Variants in RAPGEF4 observed in about 807,000 individuals in gnomAD.
The protein encoded by RAPGEF4 is RAP guanine-nucleotide-exchange factor (GEF) 4.
RAPGEF4 carries 66 observed loss-of-function variants against 147.9 expected under a neutral mutation model. The ratio of observed to expected loss-of-function variants is 0.45; its 90% CI spans 0.37 to 0.55. RAPGEF4 has a LOEUF of 0.55. Among genes scored for constraint, RAPGEF4 ranks in the 20% least tolerant of loss-of-function variants. RAPGEF4 has a pLI of 0.00. For missense variants in RAPGEF4, 1,071 were observed against 1,257.3 expected, an observed-to-expected ratio of 0.85 and a Z score of 2.24; for synonymous variants, 419 against 442.7, an observed-to-expected ratio of 0.95 and a Z score of 0.67.
chr2:173,003,305 G>A (rs375973755), intron 17 of RAPGEF4, among the ~76,000 whole-genome samples: 11 of 152,314 alleles, frequency 7.2e-5, no homozygotes, highest in South Asian at 4.1e-4. Flanking sequence ...GGCAGGGAGA[G>A]GGGAAGGCAA....
At chr2:172,850,542 C>G (rs921241065) in intron 4 of RAPGEF4, among the ~76,000 whole-genome samples, 2 of 151,692 alleles carry the variant, frequency 1.3e-5, no homozygotes, top group Non-Finnish European at 1.5e-5. Flanking sequence ...GGCATGAACC[C>G]GGGAGGCGGA....
chr2:172,957,660 G>A (rs1326737672), intron 6 of RAPGEF4, among the ~76,000 whole-genome samples: 2 of 152,162 alleles, frequency 1.3e-5, no homozygotes, highest in Admixed American at 6.5e-5. Context: ...TTTAAATAAA[G>A]GGACCATCCC....
At chr2:172,843,529 T>C (rs1045570219) in intron 4 of RAPGEF4, among the ~76,000 whole-genome samples, 3 of 152,250 alleles carry the variant, frequency 2.0e-5, no homozygotes, top group Non-Finnish European at 2.9e-5. Context: ...AGTAGTCCTT[T>C]GGGATATTAC....
intron 17 of RAPGEF4, among the ~76,000 whole-genome samples, chr2:173,011,170 G>GCGCGCGCACA (rs564434178): frequency 0.017 from 2,265 of 133,488 alleles, 65 homozygotes; most frequent in African/African-American, 0.049. Context: ...GCGCGCGCGC[G>GCGCGCGCACA]CACACACACA....
intron 21 of RAPGEF4, 140 bp downstream of exon 21, chr2:173,017,644 T>A: frequency 1.4e-6 from 1 of 729,916 alleles, no homozygotes. Flanking sequence ...GAGGTGCCCT[T>A]TGGTGGCCCG....
intron 1 of RAPGEF4, among the ~76,000 whole-genome samples, chr2:172,770,728 A>G (rs6711789): frequency 0.014 from 2,174 of 152,308 alleles, 45 homozygotes; most frequent in African/African-American, 0.046. Flanking sequence ...GGATTAGGAA[A>G]TAATCTTCCC....
At chr2:173,030,381 G>A (rs1449467028) in intron 26 of RAPGEF4, 127 bp downstream of exon 26, 1 of 732,070 alleles carries the variant, frequency 1.4e-6, no homozygotes, top group Non-Finnish European at 2.3e-6. Context: ...GACACTTGGA[G>A]GGAGGTGACC....
At chr2:172,812,191 C>T (rs547810665) in intron 3 of RAPGEF4, among the ~76,000 whole-genome samples, 34 of 152,244 alleles carry the variant, frequency 2.2e-4, no homozygotes, top group African/African-American at 7.5e-4. Flanking sequence ...TGAGTGGACG[C>T]AGTGTGAAAG....
intron 6 of RAPGEF4, among the ~76,000 whole-genome samples, chr2:172,924,883 T>C (rs1263321745): frequency 1.3e-5 from 2 of 152,028 alleles, no homozygotes; most frequent in East Asian, 1.9e-4. Flanking sequence ...AGATTATTTG[T>C]AGAAAAAAAA....
chr2:172,996,390 AAC>A, intron 15 of RAPGEF4, 74 bp from the exon 16 acceptor site: 1 of 820,022 alleles, frequency 1.2e-6, no homozygotes, highest in Non-Finnish European at 1.9e-6. Context: ...AAAAAAAAAA[AAC>A]TTAGATAAGT....
chr2:173,036,082 A>T, intron 27 of RAPGEF4, 43 bp from the exon 28 acceptor site: 2 of 1,410,874 alleles, frequency 1.4e-6, no homozygotes, highest in Non-Finnish European at 1.0e-6. Context: ...AGGGTGGTGT[A>T]TCTGTCACCA....
rs34659758 is a variant in RAPGEF4 at position 172,911,758 on chromosome 2, CTTTTT to C, written c.445-6023_445-6019del. 5.6e-3 allele frequency among the ~76,000 whole-genome samples: 355 copies of C among 63,244 alleles called. 1 individual carries two copies. The highest frequency in any genetic ancestry group is 0.026 in the Middle Eastern group (3 of 116). 41.5% of individuals were successfully genotyped at this position (63,244 alleles called of 152,430 possible). ...ACAGACATGAACCACTGTGCTAAGC[CTTTTT>C]TTTTTTTTTTTTTTTTTTTTCATAA... On this transcript the variant is annotated intron_variant, in intron 4 of 30. Transcript: ENST00000397081.
chr2:172,783,467 G>A (rs987774840), intron 1 of RAPGEF4, among the ~76,000 whole-genome samples: 6 of 152,116 alleles, frequency 3.9e-5, no homozygotes, highest in Non-Finnish European at 5.9e-5. Flanking sequence ...CCCTAGTGGC[G>A]GCTGTGCAGG....
At chr2:173,046,746 C>A (rs1685519783) in intron 29 of RAPGEF4, among the ~76,000 whole-genome samples, 1 of 152,184 alleles carries the variant, frequency 6.6e-6, no homozygotes, top group Non-Finnish European at 1.5e-5. Context: ...ATGGATGTGT[C>A]AGTTTTCACG....
rs576120963 is a variant in RAPGEF4, at chr2:172,761,271, G to A, written c.65+25223G>A. Among the ~76,000 whole-genome samples the A allele has an allele frequency of 3.3e-5, 5 of 151,996 alleles. No individual in the cohort carries two copies. The South Asian group carries it at 1.0e-3, about 32-fold the overall frequency. ...CTCCTGAGTAGCTGGGATTACAGGTGCCCACCACCACGCCTGGCTAATTTT... is the reference window on the plus strand; with the variant it reads ...CTCCTGAGTAGCTGGGATTACAGGTACCCACCACCACGCCTGGCTAATTTT... On this transcript the variant is annotated intron_variant, in intron 1 of 30. Transcript: ENST00000397081.
At chr2:172,923,823 GGTTA>G (rs955784560) in intron 6 of RAPGEF4, among the ~76,000 whole-genome samples, 1 of 152,116 alleles carries the variant, frequency 6.6e-6, no homozygotes, top group African/African-American at 2.4e-5. Flanking sequence ...CTATTAATGT[GGTTA>G]GTATTTTCTC....
Position 172,960,796 on chromosome 2 carries a change from G to T in RAPGEF4, c.574G>T (p.Ala192Ser). The stretch of plus-strand genomic sequence containing the variant: ...TGAACCTCACGTTCCTCTTCGTCCT[G>T]CTAACACCATTACCAAGGTAATGGG... ...LIEPHVPLRP[A>S]NTITKVPSEK... Residue 192 changes from alanine (A) to serine (S), a missense_variant, in exon 7 of 31, where the codon GCT becomes TCT. Ala to Ser is a moderately conservative substitution (Grantham distance 99, BLOSUM62 1). Transcript: ENST00000397081. 6.2e-7 allele frequency: 1 copy of T among 1,606,730 alleles called. No individual in the cohort carries two copies. Among genetic ancestry groups the T allele is most frequent in the Non-Finnish European group, 8.5e-7 (1 of 1,176,382 alleles).
chr2:172,993,599 G>C (rs549282839), intron 15 of RAPGEF4, among the ~76,000 whole-genome samples: 1 of 152,164 alleles, frequency 6.6e-6, no homozygotes, highest in Non-Finnish European at 1.5e-5. Context: ...GGGTCATGCT[G>C]TGTGGTCTTC....
intron 4 of RAPGEF4, among the ~76,000 whole-genome samples, chr2:172,914,179 T>G (rs1376061645): frequency 6.6e-6 from 1 of 152,130 alleles, no homozygotes; most frequent in Non-Finnish European, 1.5e-5. Context: ...CTAATGGACA[T>G]TTGAGTAATT....
Sources: allele counts gnomAD v4.1 joint callset (sites outside exome capture counted in the v4.1 genomes callset), GRCh38; gene constraint gnomAD v4.1.1; transcripts MANE v1.5; gene names NCBI Gene and HGNC (gene_info 2026-07-23, HGNC 2026-07-21).